Variants in STAG1 observed in about 807,000 individuals in gnomAD.
STAG1 encodes the protein cohesin subunit SA-1.
STAG1 carries 26 observed loss-of-function variants against 170.9 expected under a neutral mutation model. That is an observed-to-expected ratio of 0.15 (90% CI 0.11 to 0.21). STAG1 has a LOEUF of 0.21. Among genes scored for constraint, STAG1 ranks in the 10% least tolerant of loss-of-function variants. STAG1 has a pLI of 1.00. For missense variants in STAG1, 964 were observed against 1,509.5 expected, an observed-to-expected ratio of 0.64 and a Z score of 5.99; for synonymous variants, 514 against 497.7, an observed-to-expected ratio of 1.03 and a Z score of -0.44.
At chr3:136,548,006 C>A (rs754800768) in intron 5 of STAG1, among the ~76,000 whole-genome samples, 1 of 152,194 alleles carries the variant, frequency 6.6e-6, no homozygotes, top group Admixed American at 6.5e-5. Flanking sequence ...ATATTCTTGA[C>A]ACCCTTGTCA....
chr3:136,508,962 A>T (rs150964846), intron 7 of STAG1, among the ~76,000 whole-genome samples: 1 of 152,384 alleles, frequency 6.6e-6, no homozygotes, highest in Admixed American at 6.5e-5. Context: ...CTCTGGGGGA[A>T]CCCAGACTGA....
rs769374078 is a variant in STAG1, at chr3:136,549,884, G to C, written c.395-7689C>G. ...GAGTTTTTTCTTTTAACATGAAAAG[G>C]GTGCTGGATTTTATAAAACTCTTTG... On this transcript the variant is annotated intron_variant, in intron 5 of 33. Coordinates refer to ENST00000383202, the MANE Select transcript of STAG1 (RefSeq NM_005862.3). 7.2e-5 allele frequency among the ~76,000 whole-genome samples: 11 copies of C among 152,002 alleles called. No individual in the cohort carries two copies. In the East Asian group the frequency reaches 7.7e-4, roughly 11 times the overall value.
chr3:136,346,017 G>C (rs1441662239), intron 29 of STAG1, among the ~76,000 whole-genome samples: 1 of 152,132 alleles, frequency 6.6e-6, no homozygotes, highest in Non-Finnish European at 1.5e-5. Flanking sequence ...ATGATAAAAA[G>C]ATTATTATCA....
At chr3:136,624,968 CATTTA>C (rs1266184793) in intron 2 of STAG1, among the ~76,000 whole-genome samples, 3 of 152,058 alleles carry the variant, frequency 2.0e-5, no homozygotes, top group Non-Finnish European at 4.4e-5. Context: ...TTTCATATGA[CATTTA>C]ATTTAAGCTT....
chr3:136,347,094 A>G (rs1241651814), intron 29 of STAG1, among the ~76,000 whole-genome samples: 2 of 150,324 alleles, frequency 1.3e-5, no homozygotes, highest in Non-Finnish European at 3.0e-5. Flanking sequence ...AAAAAAAAAA[A>G]AAGAAAAGAA....
chr3:136,717,057 G>A (rs1375070594), intron 1 of STAG1, among the ~76,000 whole-genome samples: 1 of 152,210 alleles, frequency 6.6e-6, no homozygotes. Flanking sequence ...CGTGTACACA[G>A]CAACACTTAA....
chr3:136,669,028 A>C (rs1162399803), intron 1 of STAG1, among the ~76,000 whole-genome samples: 1 of 152,232 alleles, frequency 6.6e-6, no homozygotes, highest in African/African-American at 2.4e-5. Context: ...AGAAAGCCAA[A>C]TACTGAGGTT....
intron 9 of STAG1, among the ~76,000 whole-genome samples, chr3:136,477,707 A>T (rs184393225): frequency 9.0e-4 from 137 of 152,350 alleles, no homozygotes; most frequent in Admixed American, 7.7e-3. Context: ...TTACAGAGCC[A>T]AGAAACATGT....
At chr3:136,737,896 C>G (rs1019306063) in intron 1 of STAG1, among the ~76,000 whole-genome samples, 19 of 151,768 alleles carry the variant, frequency 1.3e-4, no homozygotes, top group African/African-American at 4.6e-4. Flanking sequence ...GGTGAAACCC[C>G]GTCTCTACTA....
At chr3:136,450,025 T>C (rs746332001) in intron 14 of STAG1, among the ~76,000 whole-genome samples, 13 of 151,640 alleles carry the variant, frequency 8.6e-5, no homozygotes, top group Non-Finnish European at 1.9e-4. Context: ...GCCTCCCAAG[T>C]AGCCACCATG....
At chr3:136,376,845 C>T (rs1421579968) in intron 23 of STAG1, among the ~76,000 whole-genome samples, 1 of 151,790 alleles carries the variant, frequency 6.6e-6, no homozygotes, top group Non-Finnish European at 1.5e-5. Context: ...GGCTGGAGTG[C>T]AATGGCGCGA....
intron 3 of STAG1, among the ~76,000 whole-genome samples, chr3:136,622,894 T>C (rs555157208): frequency 1.8e-3 from 269 of 152,320 alleles, no homozygotes; most frequent in Middle Eastern, 3.4e-3. Context: ...TCACTGTTAG[T>C]GACCTTCTCT....
At chr3:136,380,264 C>CG (rs1297210587) in intron 22 of STAG1, among the ~76,000 whole-genome samples, 1 of 149,350 alleles carries the variant, frequency 6.7e-6, no homozygotes, top group Non-Finnish European at 1.5e-5. Flanking sequence ...TTTTTTGAGA[C>CG]GGAGTCTCAC....
At position 136,560,769 on chromosome 3, in the gene STAG1, C is replaced by T. The variant is rs116728253; in HGVS notation, c.394+7996G>A. 8.7e-3 allele frequency among the ~76,000 whole-genome samples: 1,317 copies of T among 152,200 alleles called. 12 individuals carry two copies. Among genetic ancestry groups the T allele is most frequent in the Non-Finnish European group, 0.014 (944 of 68,006 alleles). ...GCTAAATTAGAAAACCAATACTGCA[C>T]CTTAGGGCTTGGCTCAAGAGCCAAG... On this transcript the variant is annotated intron_variant, in intron 5 of 33. Coordinates refer to ENST00000383202, the MANE Select transcript of STAG1 (RefSeq NM_005862.3).
intron 1 of STAG1, among the ~76,000 whole-genome samples, chr3:136,692,721 A>T (rs1169534877): frequency 6.6e-6 from 1 of 152,218 alleles, no homozygotes; most frequent in African/African-American, 2.4e-5. Flanking sequence ...ACCCTCAACC[A>T]TGAAGTTTTT....
intron 2 of STAG1, among the ~76,000 whole-genome samples, chr3:136,628,514 G>A (rs1253165429): frequency 6.6e-6 from 1 of 152,044 alleles, no homozygotes; most frequent in Admixed American, 6.5e-5. Flanking sequence ...CATATCGCAG[G>A]GTCCTTGCAT....
chr3:136,734,113 AAAAAAAAAAAC>A (rs1271856828), intron 1 of STAG1, among the ~76,000 whole-genome samples: 2 of 145,446 alleles, frequency 1.4e-5, no homozygotes, highest in South Asian at 2.1e-4. Flanking sequence ...CATCTCAAAA[AAAAAAAAAAAC>A]AAAACAAAAC....
chr3:136,566,520 T>C (rs191035657), intron 5 of STAG1, among the ~76,000 whole-genome samples: 1 of 152,318 alleles, frequency 6.6e-6, no homozygotes, highest in Admixed American at 6.5e-5. Flanking sequence ...TTGGTACACT[T>C]TAAAATGCTT....
chr3:136,357,610 G>T, intron 28 of STAG1, 110 bp downstream of exon 28: 1 of 810,576 alleles, frequency 1.2e-6, no homozygotes, highest in Non-Finnish European at 1.9e-6. Flanking sequence ...AACTATCAGA[G>T]CCTAAATTAT....
Sources: allele counts gnomAD v4.1 joint callset (sites outside exome capture counted in the v4.1 genomes callset), GRCh38; gene constraint gnomAD v4.1.1; transcripts MANE v1.5; gene names NCBI Gene and HGNC (gene_info 2026-07-23, HGNC 2026-07-21).